Variants in STK32B observed in about 807,000 individuals in gnomAD.
STK32B encodes the protein serine/threonine-protein kinase 32B.
A neutral mutation model predicts 52.6 loss-of-function variants in STK32B; 43 were observed. That is an observed-to-expected ratio of 0.82 (90% confidence interval 0.64 to 1.05). The LOEUF is 1.05. STK32B is among the 50% of genes least tolerant of loss of function. The pLI, the probability that STK32B is intolerant of heterozygous loss-of-function variation, is 0.00. For missense variants in STK32B, 621 were observed against 534.6 expected (o/e 1.16, Z -1.59); for synonymous variants, 238 against 204.3 (o/e 1.17, Z -1.41).
chr4:5,357,072 TACACACACACACGTATACACACACAC>T lies in STK32B; in HGVS notation c.434+25692_434+25717del, dbSNP rs1176524869. On this transcript the variant is annotated intron_variant, in intron 4 of 11. Coordinates refer to ENST00000282908, the MANE Select transcript of STK32B (RefSeq NM_018401.3). The stretch of plus-strand genomic sequence containing the variant: ...ACACACACACATATATACACACATA[TACACACACACACGTATACACACACAC>T]ACACACACACACATATATATACACA... Among the ~76,000 whole-genome samples the T allele has an allele frequency of 4.2e-5, 6 of 143,852 alleles. No homozygotes were observed. In the South Asian group the frequency reaches 1.1e-3, roughly 27 times the overall value. 94.4% of individuals were successfully genotyped at this position (143,852 alleles called of 152,430 possible).
intron 4 of STK32B, among the ~76,000 whole-genome samples, chr4:5,361,149 A>G (rs1018271281): frequency 6.6e-6 from 1 of 152,204 alleles, no homozygotes; most frequent in African/African-American, 2.4e-5. Context: ...TAGCATGTGT[A>G]CATCTATGCA....
Position 5,460,239 on chromosome 4 carries a change from G to T in STK32B, c.909+11G>T, listed in dbSNP as rs748861122. Reference sequence around the variant, plus strand: ...GGCTTTGTGCCCAATGTGAGTGGAAGTCCCACCTGATGTCATGCCACCCCT... The same window carrying T: ...GGCTTTGTGCCCAATGTGAGTGGAATTCCCACCTGATGTCATGCCACCCCT... On this transcript the variant is annotated intron_variant, in intron 9 of 11. Coordinates refer to ENST00000282908, the MANE Select transcript of STK32B (RefSeq NM_018401.3). This position sits in a 1 kb window ranked among gnomAD's most constrained non-coding sequence, Gnocchi z 4.8. 6.2e-7 allele frequency: 1 copy of T among 1,606,418 alleles called. No individual in the cohort carries two copies. Among genetic ancestry groups the T allele is most frequent in the East Asian group, 2.2e-5 (1 of 44,792 alleles).
chr4:5,451,438 TG>T (rs1391139721), intron 7 of STK32B, among the ~76,000 whole-genome samples: 1 of 152,192 alleles, frequency 6.6e-6, no homozygotes, highest in African/African-American at 2.4e-5. Context: ...GTAGGTAATG[TG>T]GTACTATCCA....
chr4:5,191,643 A>G (rs1721211290), intron 3 of STK32B, among the ~76,000 whole-genome samples: 1 of 152,168 alleles, frequency 6.6e-6, no homozygotes. Flanking sequence ...GACAGCTGGT[A>G]GCCTAGATAG....
chr4:5,472,064 A>G (rs1207873459), intron 11 of STK32B, among the ~76,000 whole-genome samples: 1 of 152,212 alleles, frequency 6.6e-6, no homozygotes, highest in Non-Finnish European at 1.5e-5. Context: ...TAGAGCACCC[A>G]TCATCTGCAC....
chr4:5,339,145 C>T (rs1296623308), intron 4 of STK32B, among the ~76,000 whole-genome samples: 1 of 152,190 alleles, frequency 6.6e-6, no homozygotes, highest in Non-Finnish European at 1.5e-5. Context: ...GGGACTTACA[C>T]TAACGGCCTC....
intron 6 of STK32B, among the ~76,000 whole-genome samples, chr4:5,444,555 C>G (rs922393779): frequency 2.0e-5 from 3 of 152,180 alleles, no homozygotes; most frequent in African/African-American, 7.2e-5. Context: ...CAGAAATCAC[C>G]CGTCTTCTGC....
At chr4:5,276,799 A>G (rs376103921) in intron 3 of STK32B, among the ~76,000 whole-genome samples, 5 of 152,212 alleles carry the variant, frequency 3.3e-5, no homozygotes, top group African/African-American at 9.6e-5. Flanking sequence ...CAGCTGGCCA[A>G]CGGTGGGGTG....
chr4:5,027,760 G>A, the STK32B span, among the ~76,000 whole-genome samples: 1 of 152,118 alleles, frequency 6.6e-6, no homozygotes, highest in Non-Finnish European at 1.5e-5. Context: ...GTCTCTACCT[G>A]GTGTTGAAAG....
intron 2 of STK32B, among the ~76,000 whole-genome samples, chr4:5,146,603 T>C (rs1047548844): frequency 2.0e-5 from 3 of 152,190 alleles, no homozygotes; most frequent in Non-Finnish European, 4.4e-5. Flanking sequence ...GTCAGTCTCT[T>C]ATGGCAACAC....
intron 3 of STK32B, among the ~76,000 whole-genome samples, chr4:5,306,528 G>C (rs1025716998): frequency 6.6e-6 from 1 of 151,972 alleles, no homozygotes; most frequent in African/African-American, 2.4e-5. Context: ...GTTTATGTGT[G>C]TCCTTGTGTG....
intron 8 of STK32B, among the ~76,000 whole-genome samples, chr4:5,459,707 T>A (rs1465165830): frequency 1.3e-5 from 2 of 152,202 alleles, no homozygotes; most frequent in East Asian, 3.9e-4. Context: ...TAAATTTTAT[T>A]ACAATTTGGT....
intron 2 of STK32B, among the ~76,000 whole-genome samples, chr4:5,153,299 T>C (rs1717525602): frequency 6.6e-6 from 1 of 152,186 alleles, no homozygotes; most frequent in South Asian, 2.1e-4. Context: ...CTTCCAGTCA[T>C]GGAAACTTGG....
intron 11 of STK32B, among the ~76,000 whole-genome samples, chr4:5,490,082 T>G (rs1463432146): frequency 6.6e-6 from 1 of 151,540 alleles, no homozygotes; most frequent in African/African-American, 2.4e-5. Context: ...AGGCTAAATT[T>G]TAAGATCTTT....
chr4:5,162,632 A>T (rs1201349781), intron 2 of STK32B, among the ~76,000 whole-genome samples: 1 of 152,236 alleles, frequency 6.6e-6, no homozygotes, highest in Non-Finnish European at 1.5e-5. Flanking sequence ...TAATTGAGTT[A>T]GACTAATGAG....
chr4:5,258,932 A>G (rs559819632), intron 3 of STK32B, among the ~76,000 whole-genome samples: 40 of 152,148 alleles, frequency 2.6e-4, no homozygotes, highest in Non-Finnish European at 4.7e-4. Flanking sequence ...AGTGCCTGTT[A>G]TCTCTCCAGC....
Position 5,051,608 on chromosome 4 carries a change from TG to T in STK32B, c.-255del. 1 of 496,686 alleles carries T rather than the reference TG, an allele frequency of 2.0e-6. No homozygotes were observed. The highest frequency in any genetic ancestry group is 2.8e-5 in the South Asian group (1 of 35,324). 30.8% of individuals were successfully genotyped at this position (496,686 alleles called of 1,614,324 possible). ...CCGGGCGGGCACTGGAGTAAGGAGC[TG>T]CGAGCGCAGCCCGAGGCGGGGCACG... On this transcript the variant is annotated 5_prime_UTR_variant, in exon 1 of 12. Coordinates refer to ENST00000282908, the MANE Select transcript of STK32B (RefSeq NM_018401.3).
chr4:5,461,083 C>T (rs372938905), intron 9 of STK32B, among the ~76,000 whole-genome samples: 15 of 152,272 alleles, frequency 9.9e-5, no homozygotes, highest in Middle Eastern at 3.4e-3. Context: ...TTGCATTTCT[C>T]CTAGAGGGAA....
At chr4:5,444,736 C>T (rs1056294017) in intron 6 of STK32B, among the ~76,000 whole-genome samples, 9 of 152,210 alleles carry the variant, frequency 5.9e-5, no homozygotes, top group Non-Finnish European at 1.3e-4. Flanking sequence ...TATAGATTAT[C>T]TTATTTAATC....
Sources: allele counts gnomAD v4.1 joint callset (sites outside exome capture counted in the v4.1 genomes callset), GRCh38; gene constraint gnomAD v4.1.1; non-coding constraint Gnocchi (gnomAD v3.1); transcripts MANE v1.5; gene names NCBI Gene and HGNC (gene_info 2026-07-23, HGNC 2026-07-21).